Variants in MMRN1 observed in about 807,000 individuals in gnomAD.
The protein encoded by MMRN1 is multimerin 1, also known as multimerin-1.
Under a neutral mutation model 100.7 loss-of-function variants are expected in MMRN1, and 94 were observed. The observed-to-expected ratio is 0.93, with a 90% CI of 0.79 to 1.11. The LOEUF (loss-of-function observed/expected upper bound fraction) is 1.11. Among genes scored for constraint, MMRN1 ranks in the 50% least tolerant of loss-of-function variants. MMRN1 has a pLI of 0.00. For missense variants in MMRN1, 1,606 were observed against 1,439.1 expected (o/e 1.12, Z -1.88); for synonymous variants, 575 against 505.0 (o/e 1.14, Z -1.86).
chr4:89,945,970 A>G (rs1210232760), intron 6 of MMRN1, among the ~76,000 whole-genome samples: 1 of 152,196 alleles, frequency 6.6e-6, no homozygotes, highest in Non-Finnish European at 1.5e-5. Context: ...AAAGAACACA[A>G]TGTTAGTAAT....
chr4:89,887,844 C>T (rs1001439486), intron 1 of MMRN1, among the ~76,000 whole-genome samples: 1 of 151,764 alleles, frequency 6.6e-6, no homozygotes, highest in African/African-American at 2.4e-5. Context: ...ATCAATCTCA[C>T]CATACATTAT....
intron 4 of MMRN1, among the ~76,000 whole-genome samples, chr4:89,925,774 C>A (rs953749756): frequency 2.0e-5 from 3 of 151,974 alleles, no homozygotes; most frequent in Non-Finnish European, 4.4e-5. Flanking sequence ...ACCATCCCCA[C>A]CTCACTCCAA....
chr4:89,948,849 A>G (rs747353572), intron 6 of MMRN1, among the ~76,000 whole-genome samples: 1 of 152,216 alleles, frequency 6.6e-6, no homozygotes, highest in Admixed American at 6.5e-5. Flanking sequence ...TCCTGAGCAG[A>G]TAATCAGTAG....
chr4:89,951,089 A>T (rs1723156904), intron 6 of MMRN1, among the ~76,000 whole-genome samples: 1 of 152,054 alleles, frequency 6.6e-6, no homozygotes, highest in Non-Finnish European at 1.5e-5. Context: ...TTTTGCTTTG[A>T]AAGAATTTTT....
At chr4:89,901,378 T>C (rs1254471731) in intron 1 of MMRN1, among the ~76,000 whole-genome samples, 2 of 151,566 alleles carry the variant, frequency 1.3e-5, no homozygotes, top group Non-Finnish European at 2.9e-5. Context: ...GAAATTATTA[T>C]TTCTGAGTTT....
At chr4:89,952,902 CT>C in intron 7 of MMRN1, 94 bp from the exon 8 acceptor site, 1 of 1,267,202 alleles carries the variant, frequency 7.9e-7, no homozygotes, top group South Asian at 1.5e-5. Context: ...TCTGCTAAGA[CT>C]TTTTGTAACT....
chr4:89,893,339 C>T (rs575143906), upstream of MMRN1, among the ~76,000 whole-genome samples: 77 of 150,592 alleles, frequency 5.1e-4, no homozygotes, highest in African/African-American at 1.6e-3. Context: ...AATACACTTA[C>T]GGAAATAAAT....
chr4:89,905,315 G>A (rs1187798342), intron 1 of MMRN1, among the ~76,000 whole-genome samples: 2 of 151,394 alleles, frequency 1.3e-5, no homozygotes, highest in Non-Finnish European at 3.0e-5. Flanking sequence ...TAAGATGATA[G>A]TATTTTTCAT....
intron 1 of MMRN1, among the ~76,000 whole-genome samples, chr4:89,888,867 T>C (rs79065179): frequency 0.026 from 3,899 of 152,252 alleles, 86 homozygotes; most frequent in Non-Finnish European, 0.04. Context: ...CATTCTATCA[T>C]AGTTATTTGA....
At position 89,936,479 on chromosome 4, in the gene MMRN1, T is replaced by C. The variant is rs754903096; in HGVS notation, c.2799T>C (p.Asn933=). 8 of 1,613,108 alleles carry C rather than the reference T, an allele frequency of 5.0e-6. No individual in the cohort carries two copies. Among genetic ancestry groups the C allele is most frequent in the African/African-American group, 2.7e-5 (2 of 74,902 alleles). ...TLHEVLTMCH[N]ASTSVSELNA... Reference sequence around the variant, plus strand: ...ACGAAGTTTTAACAATGTGTCACAATGCTTCTACAAGTGTGTCAGAACTGA... The same window carrying C: ...ACGAAGTTTTAACAATGTGTCACAACGCTTCTACAAGTGTGTCAGAACTGA... Residue 933 remains asparagine, a synonymous_variant, in exon 6 of 8, where the codon AAT becomes AAC. Coordinates refer to ENST00000264790, the MANE Select transcript of MMRN1 (RefSeq NM_007351.3).
In MMRN1 at chr4:89,951,585, T is replaced by G. The variant is rs1367243068; in HGVS notation, c.3119-20T>G. ...TAGGTCACTTTATTCTCTTTTACCT[T>G]GATTCTTTTTCCGTAACAGAGGAGT... On this transcript the variant is annotated intron_variant, in intron 6 of 7. Transcript: ENST00000264790. The G allele has an allele frequency of 6.9e-7, 1 of 1,459,548 alleles. No homozygotes were observed. Among genetic ancestry groups the G allele is most frequent in the Non-Finnish European group, 9.0e-7 (1 of 1,105,258 alleles). 90.4% of individuals were successfully genotyped at this position (1,459,548 alleles called of 1,614,324 possible).
At chr4:89,884,739 G>C (rs577018017) in intron 1 of MMRN1, among the ~76,000 whole-genome samples, 1 of 152,164 alleles carries the variant, frequency 6.6e-6, no homozygotes, top group Admixed American at 6.5e-5. Flanking sequence ...TGGGACTACA[G>C]GAGTGTGCCA....
chr4:89,938,389 G>GT (rs1485528759), intron 6 of MMRN1, among the ~76,000 whole-genome samples: 2 of 148,298 alleles, frequency 1.3e-5, no homozygotes, highest in African/African-American at 4.9e-5. Context: ...TCCATTATTG[G>GT]TCTTCATGTG....
chr4:89,931,794 A>G (rs998350477), intron 5 of MMRN1, among the ~76,000 whole-genome samples: 1 of 152,120 alleles, frequency 6.6e-6, no homozygotes, highest in Non-Finnish European at 1.5e-5. Flanking sequence ...GATTCAATTT[A>G]TCTCCCACTG....
intron 1 of MMRN1, among the ~76,000 whole-genome samples, chr4:89,886,805 AG>A (rs1720946619): frequency 6.6e-6 from 1 of 152,138 alleles, no homozygotes; most frequent in African/African-American, 2.4e-5. Flanking sequence ...TATCAAATCA[AG>A]GTAATTAGGA....
At chr4:89,886,101 T>C (rs6848181) in intron 1 of MMRN1, among the ~76,000 whole-genome samples, 85,512 of 148,618 alleles carry the variant, frequency 0.58, 25,232 homozygotes, top group East Asian at 0.78. Context: ...ACATTTCCCA[T>C]GCTGGTCTCA....
Position 89,895,569 on chromosome 4 carries a change from T to A in MMRN1, c.598T>A (p.Ser200Thr), listed in dbSNP as rs1321416936. 1 of 1,613,340 alleles carries A rather than the reference T, an allele frequency of 6.2e-7. No individual in the cohort carries two copies. Among genetic ancestry groups the A allele is most frequent in the Non-Finnish European group, 8.5e-7 (1 of 1,179,754 alleles). ...CAGCCAAAGAACTGACTACCAAAAA[T>A]CAAATTTCGAAACAACTAGAGGAAA... ...SSSQRTDYQK[S>T]NFETTRGKNW... The change falls in exon 1 of 8, where the codon TCA becomes ACA. Residue 200 changes from serine (S) to threonine (T), a missense_variant. Physicochemically the swap from Ser to Thr is moderately conservative, Grantham distance 58. Transcript: ENST00000264790.
intron 4 of MMRN1, among the ~76,000 whole-genome samples, chr4:89,926,132 G>T (rs1239462160): frequency 6.6e-6 from 1 of 152,064 alleles, no homozygotes; most frequent in African/African-American, 2.4e-5. Flanking sequence ...CCTTTCTTTT[G>T]TGTGTATACG....
At chr4:89,885,100 T>G (rs1184003616) in intron 1 of MMRN1, among the ~76,000 whole-genome samples, 1 of 152,072 alleles carries the variant, frequency 6.6e-6, no homozygotes, top group Admixed American at 6.6e-5. Flanking sequence ...TCTACTTAGA[T>G]GTATATACAT....
Sources: gnomAD v4.1 joint callset for allele counts (sites outside exome capture counted in the v4.1 genomes callset) on GRCh38, gnomAD v4.1.1 for gene constraint, MANE v1.5 for transcripts, NCBI Gene and HGNC (gene_info 2026-07-23, HGNC 2026-07-21) for gene names.